Variants in ZNF69 observed in about 807,000 individuals in gnomAD.
ZNF69 encodes ZNF3.
A neutral mutation model predicts 50.9 loss-of-function variants in ZNF69; 47 were observed. The observed-to-expected ratio is 0.92, with a 90% CI of 0.73 to 1.18. The LOEUF (loss-of-function observed/expected upper bound fraction) is 1.18, where lower values mean the gene tolerates loss of function less well. Ranked by LOEUF, ZNF69 falls within the 50% of genes most tolerant of loss-of-function variation. ZNF69 has a pLI of 0.00. For missense variants in ZNF69, 717 were observed against 675.1 expected (o/e 1.06, Z -0.69); for synonymous variants, 216 against 223.1 (o/e 0.97, Z 0.29).
the ZNF69 span, among the ~76,000 whole-genome samples, chr19:11,938,279 C>T: frequency 1.3e-5 from 2 of 152,056 alleles, no homozygotes; most frequent in Non-Finnish European, 2.9e-5. Context: ...TACATGTGCA[C>T]AATGTGCAGG....
chr19:11,979,194 A>G, the ZNF69 span: 1 of 1,611,458 alleles, frequency 6.2e-7, no homozygotes, highest in Non-Finnish European at 8.5e-7. Context: ...AACCCTATAA[A>G]TGCATGCCAT....
rs973509857 is a variant in ZNF69 at position 11,893,036 on chromosome 19, C to T, written c.63+5050C>T. On this transcript the variant is annotated intron_variant, in intron 1 of 3. Coordinates refer to ENST00000429654, the MANE Select transcript of ZNF69 (RefSeq NM_001364730.1). ...TTTTAGTAAACACGGGGTTTTACCACGTTAGCCAGGCTGGTCTCCAACTCC... is the reference window on the plus strand; with the variant it reads ...TTTTAGTAAACACGGGGTTTTACCATGTTAGCCAGGCTGGTCTCCAACTCC... 3.9e-5 allele frequency among the ~76,000 whole-genome samples: 6 copies of T among 152,048 alleles called. No homozygotes were observed. The East Asian group carries it at 5.8e-4, about 15-fold the overall frequency.
In ZNF69 at chr19:11,905,545, G is replaced by C. The variant is rs766024183; in HGVS notation, c.1148G>C (p.Ser383Thr). ...TTTCAAAGACATGAAAAAACTCACAGTGGAGAGAAACCCTATAAATGCAAG... is the reference window on the plus strand; with the variant it reads ...TTTCAAAGACATGAAAAAACTCACACTGGAGAGAAACCCTATAAATGCAAG... ...NSFQRHEKTH[S>T]GEKPYKCKQC... Residue 383 changes from serine to threonine, a missense_variant, in exon 4 of 4, where the codon AGT (serine) becomes ACT (threonine). Coordinates refer to ENST00000429654, the MANE Select transcript of ZNF69 (RefSeq NM_001364730.1). 4.1e-4 allele frequency: 667 copies of C among 1,613,230 alleles called. No homozygotes were observed. Among genetic ancestry groups the C allele is most frequent in the Non-Finnish European group, 5.3e-4 (631 of 1,179,816 alleles).
chr19:11,925,951 A>G, the ZNF69 span, among the ~76,000 whole-genome samples: 3 of 152,184 alleles, frequency 2.0e-5, no homozygotes, highest in African/African-American at 7.2e-5. Flanking sequence ...AGTGCCTGAA[A>G]GGTGTAAGTT....
chr19:11,960,318 CTT>C, the ZNF69 span, among the ~76,000 whole-genome samples: 4 of 152,150 alleles, frequency 2.6e-5, no homozygotes, highest in African/African-American at 9.7e-5. Context: ...GCGCCCGTCT[CTT>C]GTTTTCTTGT....
At chr19:11,942,817 C>T in the ZNF69 span, among the ~76,000 whole-genome samples, 1 of 152,200 alleles carries the variant, frequency 6.6e-6, no homozygotes. Flanking sequence ...GGCTGTCTGA[C>T]TATTGATCTC....
At chr19:11,979,818 C>T in the ZNF69 span, 2 of 1,569,732 alleles carry the variant, frequency 1.3e-6, no homozygotes, top group Admixed American at 1.7e-5. Context: ...TGTGGGAAAG[C>T]CTTCAGATCT....
the ZNF69 span, chr19:11,950,131 C>T: frequency 6.2e-7 from 1 of 1,614,080 alleles, no homozygotes; most frequent in Non-Finnish European, 8.5e-7. Context: ...TGGAGAGAAA[C>T]ACTATGAATG....
At chr19:11,916,214 G>C (rs1029807398), downstream of ZNF69, among the ~76,000 whole-genome samples, 7 of 151,878 alleles carry the variant, frequency 4.6e-5, no homozygotes, top group Non-Finnish European at 7.4e-5. Flanking sequence ...AAAAAGTCTA[G>C]GTACTGAACT....
the ZNF69 span, among the ~76,000 whole-genome samples, chr19:11,959,408 T>C: frequency 6.6e-6 from 1 of 152,370 alleles, no homozygotes; most frequent in South Asian, 2.1e-4. Context: ...CTCACTTATT[T>C]TTGATATGCA....
the ZNF69 span, chr19:11,965,070 T>G: frequency 1.3e-5 from 14 of 1,050,158 alleles, no homozygotes; most frequent in African/African-American, 1.6e-5. Flanking sequence ...GCGCAGCCGG[T>G]GGTTGATATC....
At chr19:11,957,311 A>T in the ZNF69 span, among the ~76,000 whole-genome samples, 1 of 151,378 alleles carries the variant, frequency 6.6e-6, no homozygotes, top group South Asian at 2.1e-4. Flanking sequence ...AGCCAGGATG[A>T]TCTCAATCTC....
At chr19:11,976,734 C>T in the ZNF69 span, 11 of 410,800 alleles carry the variant, frequency 2.7e-5, no homozygotes, top group African/African-American at 6.5e-5. Context: ...GGTGTGGTGG[C>T]GCATGCCTGT....
the ZNF69 span, chr19:11,949,531 T>C: frequency 1.2e-6 from 2 of 1,610,734 alleles, no homozygotes; most frequent in Non-Finnish European, 1.7e-6. Flanking sequence ...AAGAATGCCC[T>C]CTGGAGAAAG....
Position 11,904,886 on chromosome 19 carries a change from A to T in ZNF69, c.489A>T (p.Pro163=), listed in dbSNP as rs770044959. The T allele has an allele frequency of 3.1e-6, 5 of 1,614,222 alleles. No individual in the cohort carries two copies. The East Asian group carries it at 1.1e-4, about 36-fold the overall frequency. Residue 163 remains proline, a synonymous_variant, in exon 4 of 4, where the codon CCA becomes CCT. Coordinates refer to ENST00000429654, the MANE Select transcript of ZNF69 (RefSeq NM_001364730.1). ...AGTATCAGGAATATGGACCGAAGCC[A>T]TGTAAGTGTCAACAACCTAAAAAAG... ...AYEYQEYGPK[P]CKCQQPKKAF...
the ZNF69 span, among the ~76,000 whole-genome samples, chr19:11,939,144 A>G: frequency 3.9e-5 from 6 of 152,194 alleles, no homozygotes; most frequent in Non-Finnish European, 8.8e-5. Context: ...TCAGATGGGT[A>G]GATTGTAAAA....
At chr19:11,923,221 T>C in the ZNF69 span, among the ~76,000 whole-genome samples, 1 of 152,188 alleles carries the variant, frequency 6.6e-6, no homozygotes, top group South Asian at 2.1e-4. Context: ...GCAGCAGTAG[T>C]TGGGTGTTCA....
the ZNF69 span, among the ~76,000 whole-genome samples, chr19:11,951,098 C>T: frequency 3.8e-5 from 5 of 130,840 alleles, no homozygotes; most frequent in Non-Finnish European, 7.7e-5. Context: ...TTGCAGTGAG[C>T]AGAGATCACA....
At chr19:11,928,021 A>G in the ZNF69 span, among the ~76,000 whole-genome samples, 1 of 151,458 alleles carries the variant, frequency 6.6e-6, no homozygotes, top group Non-Finnish European at 1.5e-5. Flanking sequence ...TTTTTGAGAC[A>G]GTATCTTGCT....
Sources: allele counts gnomAD v4.1 joint callset (sites outside exome capture counted in the v4.1 genomes callset), GRCh38; gene constraint gnomAD v4.1.1; transcripts MANE v1.5; gene names NCBI Gene and HGNC (gene_info 2026-07-23, HGNC 2026-07-21).